The following MAP2K6 variants were observed in gnomAD, a reference collection of about 807,000 sequenced individuals.
MAP2K6 encodes the protein dual specificity mitogen-activated protein kinase kinase 6.
MAP2K6 carries 16 observed loss-of-function variants against 53.7 expected under a neutral mutation model. That is an observed-to-expected ratio of 0.30 (90% confidence interval 0.20 to 0.45). The LOEUF (loss-of-function observed/expected upper bound fraction) is 0.45. MAP2K6 is among the 20% of genes least tolerant of loss of function. The pLI is 1.00. For missense variants in MAP2K6, 204 were observed against 411.9 expected (o/e 0.50, Z 4.37); for synonymous variants, 132 against 143.1 (o/e 0.92, Z 0.55).
Position 69,550,502 on chromosome 17 carries a change from A to T in MAP2K6, c.*8749A>T, listed in dbSNP as rs1001800795. 1 of 152,262 alleles carries T rather than the reference A, an allele frequency of 6.6e-6. No homozygotes were observed. 9.4% of individuals were successfully genotyped at this position (152,262 alleles called of 1,614,324 possible). ...ATGAACTAGATTTTATAATTTTAAA[A>T]TATAATACTGAAAGCTAGTTTGAAG... On this transcript the variant is annotated 3_prime_UTR_variant, in exon 12 of 12. Coordinates refer to ENST00000590474, the MANE Select transcript of MAP2K6 (RefSeq NM_002758.4).
At position 69,547,142 on chromosome 17, in the gene MAP2K6, T is replaced by A. The variant is rs1911910521; in HGVS notation, c.*5389T>A. The A allele has an allele frequency of 6.6e-6, 1 of 152,146 alleles. No individual in the cohort carries two copies. Among genetic ancestry groups the A allele is most frequent in the Non-Finnish European group, 1.5e-5 (1 of 68,020 alleles). 9.4% of individuals were successfully genotyped at this position (152,146 alleles called of 1,614,324 possible). A position where few individuals can be genotyped will look rare whatever the true frequency, so the allele number is the denominator to read the frequency against. On this transcript the variant is annotated 3_prime_UTR_variant, in exon 12 of 12. Transcript: ENST00000590474. Reference sequence around the variant, plus strand: ...GAATTTGTTGAAAGCTAGGACCTTTTCCCCAGGAAAATTTACATTGTATAT... The same window carrying A: ...GAATTTGTTGAAAGCTAGGACCTTTACCCCAGGAAAATTTACATTGTATAT...
chr17:69,500,413 A>C (rs1909106765), intron 1 of MAP2K6, among the ~76,000 whole-genome samples: 1 of 130,410 alleles, frequency 7.7e-6, no homozygotes, highest in Non-Finnish European at 1.5e-5. Flanking sequence ...GGACCACTGC[A>C]CTCCAGCCTG....
At chr17:69,510,753 G>C (rs1909767616) in intron 2 of MAP2K6, among the ~76,000 whole-genome samples, 1 of 151,800 alleles carries the variant, frequency 6.6e-6, no homozygotes, top group Non-Finnish European at 1.5e-5. Context: ...ATTGTTCATA[G>C]TGTTTCCTGC....
chr17:69,548,706 A>G lies in MAP2K6; in HGVS notation c.*6953A>G, dbSNP rs1183429775. Reference sequence around the variant, plus strand: ...GGGGAAGCACATTGCCACCAAATACATCACTCACTACCTGTTCCTGGTGAC... The same window carrying G: ...GGGGAAGCACATTGCCACCAAATACGTCACTCACTACCTGTTCCTGGTGAC... On this transcript the variant is annotated 3_prime_UTR_variant, in exon 12 of 12. Coordinates refer to ENST00000590474, the MANE Select transcript of MAP2K6 (RefSeq NM_002758.4). 6.6e-6 allele frequency: 1 copy of G among 152,214 alleles called. No individual in the cohort carries two copies. Among genetic ancestry groups the G allele is most frequent in the Admixed American group, 6.5e-5 (1 of 15,272 alleles). 9.4% of individuals were successfully genotyped at this position (152,214 alleles called of 1,614,324 possible). A position where few individuals can be genotyped will look rare whatever the true frequency, so the allele number is the denominator to read the frequency against.
chr17:69,510,862 C>T (rs559208050), intron 2 of MAP2K6, among the ~76,000 whole-genome samples: 5 of 150,290 alleles, frequency 3.3e-5, no homozygotes, highest in African/African-American at 1.2e-4. Flanking sequence ...GTCAATTTTG[C>T]TTGAGGTTTA....
At chr17:69,531,920 G>A (rs181246630) in intron 10 of MAP2K6, among the ~76,000 whole-genome samples, 10 of 152,268 alleles carry the variant, frequency 6.6e-5, no homozygotes, top group African/African-American at 2.4e-4. Context: ...TAACAAACGA[G>A]TTCGCAAAAG....
At chr17:69,464,083 T>A (rs187370523) in intron 1 of MAP2K6, among the ~76,000 whole-genome samples, 87 of 152,296 alleles carry the variant, frequency 5.7e-4, no homozygotes, top group African/African-American at 1.9e-3. Context: ...TTTTATTTTT[T>A]AATTTATTTA....
rs761814785 is a variant in MAP2K6, at chr17:69,414,946, T to A, written c.-39T>A. 1.3e-6 allele frequency: 2 copies of A among 1,531,674 alleles called. No homozygotes were observed. The highest frequency in any genetic ancestry group is 1.8e-6 in the Non-Finnish European group (2 of 1,106,136). 94.9% of individuals were successfully genotyped at this position (1,531,674 alleles called of 1,614,324 possible). A position where few individuals can be genotyped will look rare whatever the true frequency, so the allele number is the denominator to read the frequency against. ...GCTACAGAAGAGAAGCAAGGCAAAG[T>A]CTTTTGTGCTCCCCTCCCCCATCAA... On this transcript the variant is annotated 5_prime_UTR_variant, in exon 1 of 12. Coordinates refer to ENST00000590474, the MANE Select transcript of MAP2K6 (RefSeq NM_002758.4).
chr17:69,463,282 ATATG>A (rs1184334399), intron 1 of MAP2K6, among the ~76,000 whole-genome samples: 1 of 150,696 alleles, frequency 6.6e-6, no homozygotes, highest in East Asian at 1.9e-4. Context: ...GTGTGTATAT[ATATG>A]TGTGTGTATA....
At chr17:69,481,513 TG>T (rs1472764437) in intron 1 of MAP2K6, among the ~76,000 whole-genome samples, 21 of 152,318 alleles carry the variant, frequency 1.4e-4, no homozygotes, top group African/African-American at 4.8e-4. Context: ...TTGCTAGGGC[TG>T]TCATAACAGA....
At chr17:69,502,548 C>G in intron 1 of MAP2K6, 6 of 984,632 alleles carry the variant, frequency 6.1e-6, no homozygotes, top group Non-Finnish European at 7.2e-6. Flanking sequence ...ATTTTTTTTT[C>G]TTGTTGTTCT....
chr17:69,494,068 GAGGGATGTGTGAGTCAATAACA>G lies in MAP2K6; in HGVS notation c.17-11705_17-11684del, dbSNP rs1318891897. Among the ~76,000 whole-genome samples, 5 of 152,216 alleles carry G rather than the reference GAGGGATGTGTGAGTCAATAACA, an allele frequency of 3.3e-5. No homozygotes were observed. The highest frequency in any genetic ancestry group is 1.3e-4 in the Admixed American group (2 of 15,280). The stretch of plus-strand genomic sequence containing the variant: ...GAATCTGATCAATTTCTAACCAACA[GAGGGATGTGTGAGTCAATAACA>G]AGGGATAAGAGCAGCAGAATCCAGT... On this transcript the variant is annotated intron_variant, in intron 1 of 11. Coordinates refer to ENST00000590474, the MANE Select transcript of MAP2K6 (RefSeq NM_002758.4). The surrounding 1 kb of genome is among the most constrained non-coding windows in gnomAD (Gnocchi z 4.2).
chr17:69,498,419 A>G (rs895847010), intron 1 of MAP2K6, among the ~76,000 whole-genome samples: 17 of 152,054 alleles, frequency 1.1e-4, no homozygotes, highest in Admixed American at 6.6e-5. Flanking sequence ...GCCTCACTCT[A>G]TCAACTTAGC....
chr17:69,449,528 T>TCTTTCTTTCTTTC (rs1907103759), intron 1 of MAP2K6, among the ~76,000 whole-genome samples: 3 of 97,070 alleles, frequency 3.1e-5, no homozygotes, highest in African/African-American at 1.1e-4. Context: ...TCTTTCTTTC[T>TCTTTCTTTCTTTC]TTGTCTTTCT....
chr17:69,501,056 T>C (rs1190570571), intron 1 of MAP2K6, among the ~76,000 whole-genome samples: 1 of 152,222 alleles, frequency 6.6e-6, no homozygotes, highest in African/African-American at 2.4e-5. Context: ...CCTTGGAACG[T>C]AAGCCTAGAT....
chr17:69,448,211 T>C (rs1230883951), intron 1 of MAP2K6, among the ~76,000 whole-genome samples: 1 of 151,684 alleles, frequency 6.6e-6, no homozygotes, highest in Non-Finnish European at 1.5e-5. Flanking sequence ...TATCTAGCCC[T>C]GTAGGGAAAT....
Position 69,444,797 on chromosome 17 carries a change from G to T in MAP2K6, c.16+29797G>T, listed in dbSNP as rs115954503. Among the ~76,000 whole-genome samples the T allele has an allele frequency of 1.7e-3, 259 of 152,302 alleles. 1 individual carries two copies. Among genetic ancestry groups the T allele is most frequent in the African/African-American group, 5.8e-3 (243 of 41,556 alleles). On this transcript the variant is annotated intron_variant, in intron 1 of 11. Coordinates refer to ENST00000590474, the MANE Select transcript of MAP2K6 (RefSeq NM_002758.4). ...GGTGGAAGAGTCACCAAACATAAAAGGGAATGAAGATGGCAAATGCATGAC... is the reference window on the plus strand; with the variant it reads ...GGTGGAAGAGTCACCAAACATAAAATGGAATGAAGATGGCAAATGCATGAC...
intron 1 of MAP2K6, among the ~76,000 whole-genome samples, chr17:69,465,807 T>C (rs1907778389): frequency 6.6e-6 from 1 of 151,328 alleles, no homozygotes; most frequent in Non-Finnish European, 1.5e-5. Flanking sequence ...TTAGTAGAGA[T>C]GGGATCTCAC....
intron 1 of MAP2K6, among the ~76,000 whole-genome samples, chr17:69,484,622 T>C (rs1433127197): frequency 6.6e-6 from 1 of 152,084 alleles, no homozygotes; most frequent in Non-Finnish European, 1.5e-5. Flanking sequence ...AAAAAACTTG[T>C]ACATGAATGT....
Sources: allele counts gnomAD v4.1 joint callset (sites outside exome capture counted in the v4.1 genomes callset), GRCh38; gene constraint gnomAD v4.1.1; non-coding constraint Gnocchi (gnomAD v3.1); transcripts MANE v1.5; gene names NCBI Gene and HGNC (gene_info 2026-07-23, HGNC 2026-07-21).